Variants in CD2AP observed in about 807,000 individuals in gnomAD.
The protein encoded by CD2AP is CD2 associated protein, also known as CD2-associated protein.
A neutral mutation model predicts 85.1 loss-of-function variants in CD2AP; 46 were observed. The ratio of observed to expected loss-of-function variants is 0.54; its 90% confidence interval spans 0.43 to 0.69. The LOEUF (loss-of-function observed/expected upper bound fraction) is 0.69, where lower values mean the gene tolerates loss of function less well. Among genes scored for constraint, CD2AP ranks in the 30% least tolerant of loss-of-function variants. CD2AP has a pLI of 0.00. For synonymous variants in CD2AP, 255 were observed against 252.9 expected (o/e 1.01, Z -0.08); for missense variants, 769 against 729.5 (o/e 1.05, Z -0.62).
intron 2 of CD2AP, among the ~76,000 whole-genome samples, chr6:47,521,209 T>A (rs992590178): frequency 7.2e-5 from 11 of 152,100 alleles, no homozygotes; most frequent in Non-Finnish European, 1.5e-4. Context: ...TAAGTAAGGT[T>A]TTTACTCAGT....
At chr6:47,541,146 C>T (rs370478848) in intron 3 of CD2AP, among the ~76,000 whole-genome samples, 16 of 152,096 alleles carry the variant, frequency 1.1e-4, no homozygotes, top group African/African-American at 2.2e-4. Flanking sequence ...TTTTTTGAGA[C>T]GGAGTCTTGC....
chr6:47,595,711 A>T lies in CD2AP; in HGVS notation c.1109-150A>T, dbSNP rs181459683. The T allele has an allele frequency of 2.4e-3, 1,316 of 557,726 alleles. 18 individuals carry two copies. The highest frequency in any genetic ancestry group is 0.023 in the African/African-American group (1,194 of 52,522). The allele number at this position is 557,726 out of a possible 1,614,324, so 34.5% of individuals were successfully genotyped here. On this transcript the variant is annotated intron_variant, in intron 11 of 17. Transcript: ENST00000359314. ...TTAAATTAAAATATAACTTTAAAAT[A>T]AGTAAAACAGTGCACATGTATACAA...
Position 47,478,096 on chromosome 6 carries a change from T to C in CD2AP, c.-149T>C. On this transcript the variant is annotated 5_prime_UTR_variant, in exon 1 of 18. An upstream start codon of the reference 5' UTR is lost. Coordinates refer to ENST00000359314, the MANE Select transcript of CD2AP (RefSeq NM_012120.3). ...CTGGTAGGAGAGCGCCGCGGGCGGATGGAGGCGACTCTTCGCCCCGCCTGA... is the reference window on the plus strand; with the variant it reads ...CTGGTAGGAGAGCGCCGCGGGCGGACGGAGGCGACTCTTCGCCCCGCCTGA... 1 of 1,002,794 alleles carries C rather than the reference T, an allele frequency of 1.0e-6. No individual in the cohort carries two copies. Among genetic ancestry groups the C allele is most frequent in the Admixed American group, 2.2e-5 (1 of 46,258 alleles). 62.1% of individuals were successfully genotyped at this position (1,002,794 alleles called of 1,614,324 possible). A position where few individuals can be genotyped will look rare whatever the true frequency, so the allele number is the denominator to read the frequency against.
At position 47,554,746 on chromosome 6, in the gene CD2AP, A is replaced by T; in HGVS notation, c.521A>T (p.His174Leu). The T allele has an allele frequency of 6.2e-7, 1 of 1,613,526 alleles. No homozygotes were observed. Among genetic ancestry groups the T allele is most frequent in the Non-Finnish European group, 8.5e-7 (1 of 1,179,620 alleles). ...GAGGTAACAGATGATGGTGAAACTC[A>T]TGAAGCCCAGGACGATTCAGGTAGA... is the stretch of plus-strand genomic sequence containing the variant. ...ELEVTDDGET[H>L]EAQDDSETVL... The change falls in exon 5 of 18, where the codon CAT (histidine) becomes CTT (leucine). Residue 174 changes from histidine (H) to leucine (L), a missense_variant. Coordinates refer to ENST00000359314, the MANE Select transcript of CD2AP (RefSeq NM_012120.3).
At chr6:47,484,974 C>G (rs1765529893) in intron 1 of CD2AP, among the ~76,000 whole-genome samples, 1 of 152,114 alleles carries the variant, frequency 6.6e-6, no homozygotes, top group Admixed American at 6.5e-5. Flanking sequence ...TGAGTTGTAG[C>G]CATCCCACAC....
intron 11 of CD2AP, among the ~76,000 whole-genome samples, chr6:47,582,781 T>G (rs939685953): frequency 9.3e-5 from 8 of 86,326 alleles, no homozygotes; most frequent in Admixed American, 6.2e-4. Context: ...GTTTTTTTTG[T>G]TTTTTTTTGT....
At chr6:47,559,302 G>A (rs932565537) in intron 5 of CD2AP, among the ~76,000 whole-genome samples, 11 of 148,736 alleles carry the variant, frequency 7.4e-5, no homozygotes, top group Admixed American at 4.7e-4. Context: ...CTTTGTTGCC[G>A]AGCCTGGTGT....
At chr6:47,599,196 A>G (rs1769036819) in intron 12 of CD2AP, 105 bp from the exon 13 acceptor site, 3 of 895,418 alleles carry the variant, frequency 3.4e-6, no homozygotes, top group Admixed American at 2.1e-5. Flanking sequence ...CAGAACAGAA[A>G]GTAATCGGTA....
chr6:47,530,888 T>G (rs1766856588), intron 2 of CD2AP, among the ~76,000 whole-genome samples: 1 of 152,208 alleles, frequency 6.6e-6, no homozygotes, highest in Non-Finnish European at 1.5e-5. Context: ...TTGACACTTG[T>G]GGACATATAT....
chr6:47,622,499 A>G (rs1352587501), intron 17 of CD2AP, among the ~76,000 whole-genome samples: 1 of 152,080 alleles, frequency 6.6e-6, no homozygotes, highest in Non-Finnish European at 1.5e-5. Flanking sequence ...GGACTCAGCA[A>G]GCTCCCAGGG....
chr6:47,601,389 C>G (rs1190980071), intron 13 of CD2AP, among the ~76,000 whole-genome samples: 9 of 151,730 alleles, frequency 5.9e-5, no homozygotes, highest in Admixed American at 5.9e-4. Context: ...GGCTGCTGTT[C>G]TTTATTCCTT....
In CD2AP at chr6:47,564,908, G is replaced by A. The variant is rs80283298; in HGVS notation, c.542-9156G>A. 4.7e-3 allele frequency among the ~76,000 whole-genome samples: 707 copies of A among 151,854 alleles called. 1 individual carries two copies. The highest frequency in any genetic ancestry group is 0.038 in the Middle Eastern group (11 of 292). On this transcript the variant is annotated intron_variant, in intron 5 of 17. Transcript: ENST00000359314. ...TTGGAATGTCATATCCACTATATTT[G>A]ATTATATCATATAGTTTCTCCTCAC... is the stretch of plus-strand genomic sequence containing the variant.
At position 47,482,626 on chromosome 6, in the gene CD2AP, C is replaced by G. The variant is rs947303781; in HGVS notation, c.4+4378C>G. Among the ~76,000 whole-genome samples, 4 of 152,224 alleles carry G rather than the reference C, an allele frequency of 2.6e-5. No individual in the cohort carries two copies. The East Asian group carries it at 7.7e-4, about 29-fold the overall frequency. On this transcript the variant is annotated intron_variant, in intron 1 of 17. Coordinates refer to ENST00000359314, the MANE Select transcript of CD2AP (RefSeq NM_012120.3). The stretch of plus-strand genomic sequence containing the variant: ...ATCTCCTGACCTTGTAATCTGCCCC[C>G]CTCAGCCTTCCAAAGTACTGGGATT...
intron 2 of CD2AP, among the ~76,000 whole-genome samples, chr6:47,506,793 CGGAGGGAGAG>C (rs1766180323): frequency 1.5e-5 from 2 of 133,560 alleles, no homozygotes; most frequent in Non-Finnish European, 3.2e-5. Flanking sequence ...GAGAGGGAGA[CGGAGGGAGAG>C]GGAGAGGGAG....
intron 13 of CD2AP, among the ~76,000 whole-genome samples, chr6:47,605,077 A>G (rs1200122769): frequency 6.6e-6 from 1 of 152,032 alleles, no homozygotes; most frequent in East Asian, 1.9e-4. Flanking sequence ...TTTTAAAGAA[A>G]CAAATAACTG....
intron 5 of CD2AP, chr6:47,562,941 G>T: frequency 3.4e-6 from 2 of 585,480 alleles, no homozygotes; most frequent in South Asian, 2.3e-5. Flanking sequence ...AATTGGTTGT[G>T]GTTGGGTAGT....
At chr6:47,488,461 ATGTT>A (rs1765623292) in intron 1 of CD2AP, among the ~76,000 whole-genome samples, 1 of 152,144 alleles carries the variant, frequency 6.6e-6, no homozygotes, top group African/African-American at 2.4e-5. Context: ...TTTTGAATGT[ATGTT>A]GGTTTAAAGA....
At chr6:47,568,136 T>C (rs188670657) in intron 5 of CD2AP, among the ~76,000 whole-genome samples, 1 of 152,156 alleles carries the variant, frequency 6.6e-6, no homozygotes, top group Non-Finnish European at 1.5e-5. Context: ...GTTTTTGGCT[T>C]TGTAAGATGG....
chr6:47,607,294 T>G (rs925377184), intron 14 of CD2AP, among the ~76,000 whole-genome samples: 13 of 152,090 alleles, frequency 8.5e-5, no homozygotes, highest in African/African-American at 3.1e-4. Flanking sequence ...ATCCCTTTGA[T>G]ATACAGATTT....
Sources: gnomAD v4.1 joint callset for allele counts (sites outside exome capture counted in the v4.1 genomes callset) on GRCh38, gnomAD v4.1.1 for gene constraint, MANE v1.5 for transcripts, NCBI Gene and HGNC (gene_info 2026-07-23, HGNC 2026-07-21) for gene names.